The following SEL1L2 variants were observed in gnomAD, a reference collection of about 807,000 sequenced individuals.
SEL1L2 encodes SEL1L2 adaptor subunit of SYVN1 ubiquitin ligase.
Under a neutral mutation model 98.8 loss-of-function variants are expected in SEL1L2, and 89 were observed. The ratio of observed to expected loss-of-function variants is 0.90; its 90% CI spans 0.76 to 1.07. SEL1L2 has a LOEUF of 1.07. Ranked by LOEUF, SEL1L2 falls within the 50% of genes least tolerant of loss-of-function variation. The pLI is 0.00. For synonymous variants in SEL1L2, 262 were observed against 278.5 expected (o/e 0.94, Z 0.59); for missense variants, 788 against 812.0 (o/e 0.97, Z 0.36).
intron 1 of SEL1L2, among the ~76,000 whole-genome samples, chr20:13,965,956 C>CAAAAAA (rs199731856): frequency 3.6e-5 from 4 of 110,256 alleles, no homozygotes; most frequent in African/African-American, 9.7e-5. Flanking sequence ...GATTCTGTCT[C>CAAAAAA]AAAAAAAAAA....
intron 17 of SEL1L2, among the ~76,000 whole-genome samples, chr20:13,864,918 C>T (rs903137684): frequency 1.1e-4 from 16 of 152,194 alleles, no homozygotes; most frequent in African/African-American, 3.6e-4. Context: ...TCTGGTGTCA[C>T]GGAGACAGAG....
At chr20:13,977,222 G>A (rs981407977) in intron 1 of SEL1L2, among the ~76,000 whole-genome samples, 4 of 152,148 alleles carry the variant, frequency 2.6e-5, no homozygotes, top group African/African-American at 7.2e-5. Context: ...AAAGTTGTGG[G>A]GCTTGGGTGA....
intron 2 of SEL1L2, among the ~76,000 whole-genome samples, chr20:13,943,881 A>T (rs2049893573): frequency 6.6e-6 from 1 of 152,142 alleles, no homozygotes; most frequent in Non-Finnish European, 1.5e-5. Flanking sequence ...GTGCATGCTG[A>T]TTGGTCCGTG....
chr20:13,912,292 ATTTTTTTT>A (rs11478603), intron 5 of SEL1L2, among the ~76,000 whole-genome samples: 4 of 111,346 alleles, frequency 3.6e-5, no homozygotes, highest in Non-Finnish European at 5.5e-5. Context: ...TTTCTGTGGG[ATTTTTTTT>A]TTTTTTTTTT....
At chr20:13,962,216 C>T (rs929088196) in intron 1 of SEL1L2, among the ~76,000 whole-genome samples, 3 of 152,194 alleles carry the variant, frequency 2.0e-5, no homozygotes, top group African/African-American at 7.2e-5. Context: ...ATTCACATCG[C>T]TTTGCAGTGT....
intron 1 of SEL1L2, among the ~76,000 whole-genome samples, chr20:13,983,042 A>AAAAAAAAC (rs1171546416): frequency 7.0e-6 from 1 of 143,862 alleles, no homozygotes; most frequent in Non-Finnish European, 1.5e-5. Flanking sequence ...AAAAAAAAAA[A>AAAAAAAAC]AAAAAAGCAG....
chr20:13,875,694 T>G (rs573524927), intron 12 of SEL1L2, among the ~76,000 whole-genome samples: 16 of 152,306 alleles, frequency 1.1e-4, no homozygotes, highest in South Asian at 6.2e-4. Flanking sequence ...GGATTTTCCC[T>G]TCCTCTGTCC....
At chr20:13,966,300 T>C (rs570840350) in intron 1 of SEL1L2, among the ~76,000 whole-genome samples, 1 of 152,252 alleles carries the variant, frequency 6.6e-6, no homozygotes, top group African/African-American at 2.4e-5. Context: ...TGCCTCTTCT[T>C]CTTCTTCTTC....
At chr20:13,933,607 C>A (rs1658252378) in intron 2 of SEL1L2, among the ~76,000 whole-genome samples, 1 of 152,100 alleles carries the variant, frequency 6.6e-6, no homozygotes, top group African/African-American at 2.4e-5. Context: ...CACTTCAATT[C>A]TTTCTATGGC....
chr20:13,926,364 G>A (rs2048906693), intron 3 of SEL1L2, among the ~76,000 whole-genome samples: 1 of 152,014 alleles, frequency 6.6e-6, no homozygotes, highest in Non-Finnish European at 1.5e-5. Flanking sequence ...GTGACCTTCA[G>A]AACCACATCT....
chr20:13,905,091 C>G (rs933905260), intron 5 of SEL1L2, among the ~76,000 whole-genome samples: 15 of 152,096 alleles, frequency 9.9e-5, no homozygotes, highest in Non-Finnish European at 1.6e-4. Flanking sequence ...TAAAACCATG[C>G]TTTTACCAGC....
At chr20:13,852,148 G>A (rs144500381) in intron 18 of SEL1L2, among the ~76,000 whole-genome samples, 1 of 152,306 alleles carries the variant, frequency 6.6e-6, no homozygotes, top group East Asian at 1.9e-4. Context: ...ACTTGGATGG[G>A]ACATTCGGGG....
intron 1 of SEL1L2, among the ~76,000 whole-genome samples, chr20:13,963,888 T>C (rs552960692): frequency 6.6e-6 from 1 of 152,242 alleles, no homozygotes; most frequent in East Asian, 1.9e-4. Flanking sequence ...ATTTTTTTCC[T>C]TGAGATGGAC....
chr20:13,928,721 C>A (rs144363550), intron 3 of SEL1L2, among the ~76,000 whole-genome samples: 1 of 152,102 alleles, frequency 6.6e-6, no homozygotes, highest in Non-Finnish European at 1.5e-5. Flanking sequence ...CTAATGAATT[C>A]GTTAATGCAA....
intron 2 of SEL1L2, among the ~76,000 whole-genome samples, chr20:13,939,186 G>C (rs930269714): frequency 6.6e-6 from 1 of 151,616 alleles, no homozygotes; most frequent in Non-Finnish European, 1.5e-5. Flanking sequence ...TGGGATTACA[G>C]GTGTGTGCTA....
intron 1 of SEL1L2, among the ~76,000 whole-genome samples, chr20:13,989,655 A>C (rs1327149305): frequency 6.6e-6 from 1 of 152,312 alleles, no homozygotes; most frequent in South Asian, 2.1e-4. Context: ...AGTTTGTCAC[A>C]CATTTTTATC....
intron 11 of SEL1L2, among the ~76,000 whole-genome samples, chr20:13,876,434 C>T (rs927745189): frequency 7.2e-5 from 8 of 111,020 alleles, no homozygotes; most frequent in Non-Finnish European, 1.2e-4. Context: ...TTTGCATCTA[C>T]ATTTACTGTA....
intron 5 of SEL1L2, among the ~76,000 whole-genome samples, chr20:13,894,581 AAAAATTAAC>A (rs1288408287): frequency 6.6e-6 from 1 of 152,166 alleles, no homozygotes; most frequent in African/African-American, 2.4e-5. Flanking sequence ...CAAACAAACA[AAAAATTAAC>A]AAAATTTGCA....
At chr20:13,950,840 C>T (rs2050225957) in intron 2 of SEL1L2, among the ~76,000 whole-genome samples, 1 of 152,008 alleles carries the variant, frequency 6.6e-6, no homozygotes, top group African/African-American at 2.4e-5. Flanking sequence ...TATCCTGAAC[C>T]AATATAAGTG....
Sources: allele counts gnomAD v4.1 joint callset (sites outside exome capture counted in the v4.1 genomes callset), GRCh38; gene constraint gnomAD v4.1.1; transcripts MANE v1.5; gene names NCBI Gene and HGNC (gene_info 2026-07-23, HGNC 2026-07-21).